Variants in CACNB2 observed in about 807,000 individuals in gnomAD.
CACNB2 encodes voltage-dependent L-type calcium channel subunit beta-2.
In CACNB2, 42 loss-of-function variants were observed where a neutral mutation model predicts 73.3. The ratio of observed to expected loss-of-function variants is 0.57; its 90% confidence interval spans 0.45 to 0.74. CACNB2 has a LOEUF of 0.74. Among genes scored for constraint, CACNB2 ranks in the 30% least tolerant of loss-of-function variants. The pLI, the probability that CACNB2 is intolerant of heterozygous loss-of-function variation, is 0.00. For synonymous variants in CACNB2, 348 were observed against 310.3 expected (o/e 1.12, Z -1.28); for missense variants, 940 against 853.0 (o/e 1.10, Z -1.27).
chr10:18,525,721 T>C (rs2052401565), intron 9 of CACNB2, among the ~76,000 whole-genome samples: 1 of 152,176 alleles, frequency 6.6e-6, no homozygotes, highest in Admixed American at 6.5e-5. Flanking sequence ...TTTATTATCT[T>C]TTTCTGAACT....
intron 5 of CACNB2, among the ~76,000 whole-genome samples, chr10:18,505,951 G>A (rs932548242): frequency 4.6e-5 from 7 of 152,124 alleles, no homozygotes; most frequent in Non-Finnish European, 1.0e-4. Flanking sequence ...GTTTCTTCGT[G>A]TGTCCGTTAG....
intron 3 of CACNB2, among the ~76,000 whole-genome samples, chr10:18,418,062 T>G (rs1157334866): frequency 6.6e-6 from 1 of 151,868 alleles, no homozygotes; most frequent in Non-Finnish European, 1.5e-5. Context: ...AGGGTTGTGG[T>G]TTTTTGTTTG....
intron 2 of CACNB2, among the ~76,000 whole-genome samples, chr10:18,248,138 T>C (rs1485147512): frequency 6.6e-6 from 1 of 152,166 alleles, no homozygotes; most frequent in Non-Finnish European, 1.5e-5. Flanking sequence ...AAAGAGAAAT[T>C]GAAATCCACA....
At chr10:18,234,177 C>G (rs561910452) in intron 2 of CACNB2, 2 of 152,332 alleles carry the variant, frequency 1.3e-5, no homozygotes, top group African/African-American at 4.8e-5. Flanking sequence ...CCGAGGCTGT[C>G]GGGGAACATG....
chr10:18,494,580 C>T (rs571274635), intron 3 of CACNB2, among the ~76,000 whole-genome samples: 5 of 146,094 alleles, frequency 3.4e-5, no homozygotes, highest in African/African-American at 1.3e-4. Flanking sequence ...TGCAGTGAGC[C>T]GAGATCGTGC....
chr10:18,485,877 C>G (rs1455419192), intron 3 of CACNB2, among the ~76,000 whole-genome samples: 1 of 151,624 alleles, frequency 6.6e-6, no homozygotes. Context: ...GCCACCGTGC[C>G]CAGCCTCCAT....
intron 3 of CACNB2, among the ~76,000 whole-genome samples, chr10:18,482,567 G>GTGGCATGATCACGGTTCACTGC: frequency 6.6e-6 from 1 of 152,270 alleles, no homozygotes; most frequent in Admixed American, 6.5e-5. Flanking sequence ...CTGGAGTGTA[G>GTGGCATGATCACGGTTCACTGC]TGGCATGATC....
chr10:18,142,450 A>G (rs780569573), intron 1 of CACNB2, among the ~76,000 whole-genome samples: 6 of 152,164 alleles, frequency 3.9e-5, no homozygotes, highest in Non-Finnish European at 8.8e-5. Flanking sequence ...TTTTATCTAG[A>G]TGCTTGCCAG....
chr10:18,487,484 G>T (rs867614518), intron 3 of CACNB2, among the ~76,000 whole-genome samples: 7 of 152,126 alleles, frequency 4.6e-5, no homozygotes, highest in Non-Finnish European at 8.8e-5. Flanking sequence ...CTGGAGTCAG[G>T]GTGGGAAGGG....
At chr10:18,386,770 G>A (rs909792781) in intron 2 of CACNB2, among the ~76,000 whole-genome samples, 2 of 152,136 alleles carry the variant, frequency 1.3e-5, no homozygotes, top group African/African-American at 4.8e-5. Context: ...AGTGTTTCAA[G>A]TATCAGTTGG....
At position 18,164,884 on chromosome 10, in the gene CACNB2, C is replaced by T. The variant is rs149902968; in HGVS notation, c.213+13909C>T. 8.8e-4 allele frequency among the ~76,000 whole-genome samples: 134 copies of T among 152,286 alleles called. 2 individuals are homozygous for T. The highest frequency in any genetic ancestry group is 3.7e-3 in the Admixed American group (57 of 15,292). The stretch of plus-strand genomic sequence containing the variant: ...ACACGGACTTCCTGACTCTGCTAGA[C>T]TTTATTTGTACTAAGTTCTTGTCAT... On this transcript the variant is annotated intron_variant, in intron 2 of 13. Transcript: ENST00000324631.
chr10:18,240,954 A>G (rs1471867502), intron 2 of CACNB2, among the ~76,000 whole-genome samples: 1 of 152,214 alleles, frequency 6.6e-6, no homozygotes, highest in African/African-American at 2.4e-5. Flanking sequence ...AGATGTTGCC[A>G]TAATGAGTTT....
At chr10:18,497,013 C>A (rs2049872603) in intron 3 of CACNB2, among the ~76,000 whole-genome samples, 1 of 150,812 alleles carries the variant, frequency 6.6e-6, no homozygotes. Flanking sequence ...GGGTTCGAGA[C>A]CAGCTTGGCC....
intron 2 of CACNB2, among the ~76,000 whole-genome samples, chr10:18,271,523 G>C (rs2038053086): frequency 6.6e-6 from 1 of 152,164 alleles, no homozygotes; most frequent in Non-Finnish European, 1.5e-5. Context: ...TTAAAGCCTT[G>C]AGTTAAGGGC....
chr10:18,213,589 C>T (rs1455819546), intron 2 of CACNB2, among the ~76,000 whole-genome samples: 1 of 152,148 alleles, frequency 6.6e-6, no homozygotes, highest in East Asian at 1.9e-4. Context: ...ATTCTGCAAA[C>T]CAAAGCACTT....
chr10:18,513,671 CAT>C (rs990529893), intron 6 of CACNB2: 6 of 211,158 alleles, frequency 2.8e-5, no homozygotes, highest in African/African-American at 1.4e-4. Context: ...CTAAAATAAA[CAT>C]AAACAGCAAG....
At position 18,542,365 on chromosome 10, in the gene CACNB2, T is replaced by C. The variant is rs984377589; in HGVS notation, c.*2641T>C. On this transcript the variant is annotated 3_prime_UTR_variant, in exon 14 of 14. Coordinates refer to ENST00000324631, the MANE Select transcript of CACNB2 (RefSeq NM_201596.3). ...ACATTGGTAGGAAACCATATTCTAA[T>C]TAAAATTGAATTTATAAAATATTTC... The C allele has an allele frequency of 1.3e-5, 2 of 152,194 alleles. No individual in the cohort carries two copies. The highest frequency in any genetic ancestry group is 1.3e-4 in the Admixed American group (2 of 15,280). 9.4% of individuals were successfully genotyped at this position (152,194 alleles called of 1,614,324 possible). A position where few individuals can be genotyped will look rare whatever the true frequency, so the allele number is the denominator to read the frequency against.
chr10:18,427,867 T>C (rs2045685357), intron 3 of CACNB2, among the ~76,000 whole-genome samples: 1 of 152,100 alleles, frequency 6.6e-6, no homozygotes, highest in Non-Finnish European at 1.5e-5. Flanking sequence ...TTTGAATAAT[T>C]CTATTTTCTA....
intron 2 of CACNB2, among the ~76,000 whole-genome samples, chr10:18,306,640 C>T (rs540839001): frequency 3.0e-4 from 46 of 152,230 alleles, no homozygotes; most frequent in African/African-American, 1.0e-3. Context: ...CAGCAATTTG[C>T]AGTAACCCCA....
Sources: allele counts gnomAD v4.1 joint callset (sites outside exome capture counted in the v4.1 genomes callset), GRCh38; gene constraint gnomAD v4.1.1; transcripts MANE v1.5; gene names NCBI Gene and HGNC (gene_info 2026-07-23, HGNC 2026-07-21).